KCNH7: variants seen among roughly 807,000 people sequenced by gnomAD.
KCNH7 encodes potassium voltage-gated channel subfamily H member 7.
KCNH7 carries 49 observed loss-of-function variants against 120.8 expected under a neutral mutation model. That is an observed-to-expected ratio of 0.41 (90% CI 0.32 to 0.51). The LOEUF (loss-of-function observed/expected upper bound fraction) is 0.51. Ranked by LOEUF, KCNH7 falls within the 20% of genes least tolerant of loss-of-function variation. The pLI, the probability that KCNH7 is intolerant of heterozygous loss-of-function variation, is 0.38. For synonymous variants in KCNH7, 547 were observed against 516.1 expected (o/e 1.06, Z -0.81); for missense variants, 1,097 against 1,446.6 (o/e 0.76, Z 3.92).
chr2:162,701,224 GTTAT>G (rs1213108587), intron 2 of KCNH7, among the ~76,000 whole-genome samples: 1 of 152,036 alleles, frequency 6.6e-6, no homozygotes, highest in African/African-American at 2.4e-5. Context: ...CATTTCTGTG[GTTAT>G]TTTTCATTTA....
In KCNH7 at chr2:162,553,795, C is replaced by T. The variant is rs116307139; in HGVS notation, c.308-16715G>A. On this transcript the variant is annotated intron_variant, in intron 2 of 15. Transcript: ENST00000332142. Reference sequence around the variant, plus strand: ...TGAATGGTTATCCTTCTTAACCAGACATCAGGAAATACATAAGTAACAGAC... The same window carrying T: ...TGAATGGTTATCCTTCTTAACCAGATATCAGGAAATACATAAGTAACAGAC... Among the ~76,000 whole-genome samples the T allele has an allele frequency of 6.5e-3, 993 of 152,278 alleles. 14 individuals carry two copies. Among genetic ancestry groups the T allele is most frequent in the African/African-American group, 0.022 (927 of 41,554 alleles).
intron 9 of KCNH7, among the ~76,000 whole-genome samples, chr2:162,415,158 A>G (rs1687503390): frequency 6.6e-6 from 1 of 151,894 alleles, no homozygotes; most frequent in African/African-American, 2.4e-5. Flanking sequence ...TAAAAAAAAA[A>G]ACAAAAAACA....
At chr2:162,797,470 G>A (rs765861474) in intron 2 of KCNH7, 2 of 152,048 alleles carry the variant, frequency 1.3e-5, no homozygotes, top group Non-Finnish European at 2.9e-5. Flanking sequence ...TTATCAATGA[G>A]TGTCATGGAC....
chr2:162,697,844 C>T (rs1686348031), intron 2 of KCNH7, among the ~76,000 whole-genome samples: 1 of 151,930 alleles, frequency 6.6e-6, no homozygotes, highest in Admixed American at 6.6e-5. Flanking sequence ...TTAATTCCTC[C>T]TATAGTTTTA....
At chr2:162,730,459 G>A (rs926883836) in intron 2 of KCNH7, among the ~76,000 whole-genome samples, 11 of 151,486 alleles carry the variant, frequency 7.3e-5, no homozygotes, top group Non-Finnish European at 1.3e-4. Flanking sequence ...CTAAAGACAA[G>A]CAATTTAATA....
intron 2 of KCNH7, among the ~76,000 whole-genome samples, chr2:162,738,678 T>C (rs1299778168): frequency 6.6e-6 from 1 of 152,210 alleles, no homozygotes; most frequent in Non-Finnish European, 1.5e-5. Context: ...CTGGTATCTG[T>C]CTGGCTGTTA....
intron 12 of KCNH7, among the ~76,000 whole-genome samples, chr2:162,387,279 A>C (rs1686602142): frequency 6.7e-6 from 1 of 150,336 alleles, no homozygotes; most frequent in South Asian, 2.1e-4. Flanking sequence ...ATGAAAGTTG[A>C]AATGACAATC....
rs142075393 is a variant in KCNH7, at chr2:162,629,097, G to A, written c.308-92017C>T. On this transcript the variant is annotated intron_variant, in intron 2 of 15. Coordinates refer to ENST00000332142, the MANE Select transcript of KCNH7 (RefSeq NM_033272.4). The stretch of plus-strand genomic sequence containing the variant: ...AAAGCCAGGAACTGTGTGGTGATGT[G>A]GTGGAAATAGAAGTCTCCCACACAG... 4.1e-3 allele frequency among the ~76,000 whole-genome samples: 627 copies of A among 152,188 alleles called. 6 individuals carry two copies. Among genetic ancestry groups the A allele is most frequent in the African/African-American group, 0.014 (594 of 41,546 alleles).
chr2:162,836,825 C>G, intron 1 of KCNH7, 58 bp from the exon 2 acceptor site: 1 of 1,228,088 alleles, frequency 8.1e-7, no homozygotes, highest in Non-Finnish European at 1.2e-6. Flanking sequence ...TTCTCCGTAA[C>G]ACTGAAGCAA....
At position 162,725,135 on chromosome 2, in the gene KCNH7, T is replaced by A. The variant is rs149584536; in HGVS notation, c.307+111402A>T. ...ATTATTTCAAATATTTTGGATAAGA[T>A]TTAGTTACAACTTTGAATTTGAATA... On this transcript the variant is annotated intron_variant, in intron 2 of 15. Coordinates refer to ENST00000332142, the MANE Select transcript of KCNH7 (RefSeq NM_033272.4). Among the ~76,000 whole-genome samples, 91 of 152,322 alleles carry A rather than the reference T, an allele frequency of 6.0e-4. 1 individual carries two copies. The highest frequency in any genetic ancestry group is 2.2e-3 in the African/African-American group (90 of 41,590).
intron 6 of KCNH7, among the ~76,000 whole-genome samples, chr2:162,474,781 C>T (rs1265971167): frequency 6.6e-6 from 1 of 151,778 alleles, no homozygotes; most frequent in East Asian, 1.9e-4. Flanking sequence ...AGGCAGCCAA[C>T]AGCCTAGTAA....
chr2:162,528,163 G>A (rs932057231), intron 3 of KCNH7: 3 of 152,010 alleles, frequency 2.0e-5, no homozygotes, highest in Admixed American at 6.5e-5. Context: ...TGTCTTCTAC[G>A]AACATGTATT....
chr2:162,426,645 G>C lies in KCNH7; in HGVS notation c.1955-3110C>G, dbSNP rs78356502. The stretch of plus-strand genomic sequence containing the variant: ...TTTGGTTGGTCAGAAGATATTAGCT[G>C]AAACATGTTGACAAATACACCTGCA... On this transcript the variant is annotated intron_variant, in intron 8 of 15. Coordinates refer to ENST00000332142, the MANE Select transcript of KCNH7 (RefSeq NM_033272.4). Among the ~76,000 whole-genome samples, 198 of 152,170 alleles carry C rather than the reference G, an allele frequency of 1.3e-3. 2 individuals are homozygous for C. The East Asian group carries it at 0.033, about 26-fold the overall frequency.
intron 2 of KCNH7, among the ~76,000 whole-genome samples, chr2:162,609,292 T>A (rs183774670): frequency 2.5e-4 from 38 of 152,316 alleles, no homozygotes; most frequent in African/African-American, 8.7e-4. Flanking sequence ...TTCTCAAGTA[T>A]TATTTAACTT....
chr2:162,509,558 C>T (rs1690995093), intron 5 of KCNH7, among the ~76,000 whole-genome samples: 1 of 151,562 alleles, frequency 6.6e-6, no homozygotes, highest in Non-Finnish European at 1.5e-5. Context: ...TATAAGGCAA[C>T]CAGTTTAGCA....
At chr2:162,767,937 T>C (rs1296863808) in intron 2 of KCNH7, among the ~76,000 whole-genome samples, 1 of 152,150 alleles carries the variant, frequency 6.6e-6, no homozygotes. Flanking sequence ...TGCTGTAAAT[T>C]GAAAAACTCA....
At chr2:162,501,421 C>T (rs1051250410) in intron 6 of KCNH7, among the ~76,000 whole-genome samples, 2 of 152,124 alleles carry the variant, frequency 1.3e-5, no homozygotes, top group African/African-American at 4.8e-5. Context: ...GGATACTCCA[C>T]AATTTGTGGG....
At chr2:162,710,477 G>T (rs1686889049) in intron 2 of KCNH7, among the ~76,000 whole-genome samples, 1 of 152,178 alleles carries the variant, frequency 6.6e-6, no homozygotes, top group Non-Finnish European at 1.5e-5. Flanking sequence ...ATTGCACAAT[G>T]AGTCATCAGA....
At chr2:162,780,413 T>A (rs1359313058) in intron 2 of KCNH7, among the ~76,000 whole-genome samples, 1 of 152,204 alleles carries the variant, frequency 6.6e-6, no homozygotes, top group Non-Finnish European at 1.5e-5. Context: ...CCTAATCATT[T>A]ACTACCACTA....
Sources: allele counts gnomAD v4.1 joint callset (sites outside exome capture counted in the v4.1 genomes callset), GRCh38; gene constraint gnomAD v4.1.1; transcripts MANE v1.5; gene names NCBI Gene and HGNC (gene_info 2026-07-23, HGNC 2026-07-21).